Variants in OR2L13 observed in about 807,000 individuals in gnomAD.
The protein encoded by OR2L13 is olfactory receptor family 2 subfamily L member 13.
OR2L13 carries 14 observed loss-of-function variants against 15.3 expected under a neutral mutation model. The ratio of observed to expected loss-of-function variants is 0.91; its 90% CI spans 0.60 to 1.43. The LOEUF (loss-of-function observed/expected upper bound fraction) is 1.43. OR2L13 is among the 40% of genes most tolerant of loss of function. OR2L13 has a pLI of 0.00. For synonymous variants in OR2L13, 152 were observed against 142.9 expected (o/e 1.06, Z -0.45); for missense variants, 367 against 387.9 (o/e 0.95, Z 0.45).
At chr1:248,048,639 C>G in the OR2L13 span, among the ~76,000 whole-genome samples, 1 of 152,168 alleles carries the variant, frequency 6.6e-6, no homozygotes, top group Non-Finnish European at 1.5e-5. Flanking sequence ...TCAATGAGTT[C>G]TCAGCTTTTG....
At chr1:248,044,596 G>A in the OR2L13 span, among the ~76,000 whole-genome samples, 2 of 86,178 alleles carry the variant, frequency 2.3e-5, no homozygotes, top group East Asian at 8.0e-4. Flanking sequence ...GAGGTCAGGA[G>A]ATCGAGACCA....
the OR2L13 span, among the ~76,000 whole-genome samples, chr1:248,006,249 G>A: frequency 1.2e-5 from 1 of 83,710 alleles, no homozygotes; most frequent in South Asian, 2.8e-4. Flanking sequence ...AGATATGTGT[G>A]TGTGTGTGTG....
At chr1:247,955,971 G>T in the OR2L13 span, among the ~76,000 whole-genome samples, 30 of 148,228 alleles carry the variant, frequency 2.0e-4, no homozygotes, top group Admixed American at 5.4e-4. Flanking sequence ...GTCAATTTTG[G>T]CTTTTGTTGC....
the OR2L13 span, among the ~76,000 whole-genome samples, chr1:247,996,350 T>C: frequency 6.6e-6 from 1 of 152,214 alleles, no homozygotes; most frequent in African/African-American, 2.4e-5. Context: ...TTTTCCAAAT[T>C]GGTAAATATG....
At chr1:248,038,367 T>C in the OR2L13 span, 2 of 1,613,470 alleles carry the variant, frequency 1.2e-6, no homozygotes, top group Non-Finnish European at 1.7e-6. Context: ...TTTTCTCATT[T>C]TCCTAATGGC....
chr1:247,965,954 C>G, the OR2L13 span: 1 of 1,608,636 alleles, frequency 6.2e-7, no homozygotes, highest in South Asian at 1.1e-5. Flanking sequence ...CAGGACACCT[C>G]CCAGTATGAG....
chr1:248,014,074 T>A, the OR2L13 span, among the ~76,000 whole-genome samples: 2 of 152,286 alleles, frequency 1.3e-5, no homozygotes, highest in South Asian at 4.1e-4. Context: ...GGGCAGCATT[T>A]CCTCATTTGT....
At chr1:247,979,792 C>T in the OR2L13 span, among the ~76,000 whole-genome samples, 1,697 of 152,074 alleles carry the variant, frequency 0.011, 40 homozygotes, top group African/African-American at 0.038. Context: ...ATCTTGGAAA[C>T]GACTCCTAGA....
the OR2L13 span, among the ~76,000 whole-genome samples, chr1:248,009,651 G>A: frequency 0.3 from 46,148 of 151,882 alleles, 11,103 homozygotes; most frequent in African/African-American, 0.67. Flanking sequence ...GAAAAAGAGG[G>A]ACCCCTCCCT....
the OR2L13 span, among the ~76,000 whole-genome samples, chr1:247,959,286 C>G: frequency 2.4e-4 from 36 of 152,290 alleles, no homozygotes; most frequent in South Asian, 4.2e-3. Flanking sequence ...TCTCTTCTGG[C>G]TTGTAGAGTT....
chr1:248,075,568 C>A, the OR2L13 span, among the ~76,000 whole-genome samples: 1 of 152,162 alleles, frequency 6.6e-6, no homozygotes, highest in East Asian at 1.9e-4. Context: ...GATGGTATCT[C>A]ATTGTGGTTT....
At chr1:248,007,915 A>G in the OR2L13 span, among the ~76,000 whole-genome samples, 3 of 152,308 alleles carry the variant, frequency 2.0e-5, no homozygotes, top group East Asian at 5.8e-4. Flanking sequence ...GTGGTTCAGT[A>G]GTGAAATAAT....
the OR2L13 span, among the ~76,000 whole-genome samples, chr1:247,942,716 T>G: frequency 3.3e-3 from 501 of 152,282 alleles, 2 homozygotes; most frequent in African/African-American, 0.012. Flanking sequence ...ATGATTTTTA[T>G]TAGGGTAAAT....
At chr1:247,945,107 G>T in the OR2L13 span, among the ~76,000 whole-genome samples, 1 of 151,778 alleles carries the variant, frequency 6.6e-6, no homozygotes, top group Non-Finnish European at 1.5e-5. Flanking sequence ...TTAGGGTGTC[G>T]ATTTGAGATC....
At chr1:248,003,500 G>A in the OR2L13 span, 1 of 1,611,766 alleles carries the variant, frequency 6.2e-7, no homozygotes, top group Non-Finnish European at 8.5e-7. Context: ...TCGTTGCATT[G>A]CTATTTGCTT....
chr1:248,094,403 A>G (rs543407099), upstream of OR2L13, among the ~76,000 whole-genome samples: 5 of 152,314 alleles, frequency 3.3e-5, 2 homozygotes, highest in African/African-American at 1.2e-4. Flanking sequence ...GCTACAGTTG[A>G]TTGAGCCCTT....
chr1:247,990,721 T>G, the OR2L13 span: 270 of 1,558,726 alleles, frequency 1.7e-4, no homozygotes, highest in African/African-American at 3.3e-3. Context: ...GATGATAGGC[T>G]CCATCAACTC....
the OR2L13 span, chr1:247,965,613 C>T: frequency 6.4e-7 from 1 of 1,561,168 alleles, no homozygotes. Flanking sequence ...CCACAGTGCC[C>T]AAGATGGCAG....
exon 3 of OR2L13, chr1:248,100,922 A>C (rs1038893898): frequency 6.2e-6 from 1 of 162,330 alleles, no homozygotes; most frequent in African/African-American, 2.4e-5. Flanking sequence ...ATGCTAAGGT[A>C]GTGTTTATGT....
Sources: allele counts gnomAD v4.1 joint callset (sites outside exome capture counted in the v4.1 genomes callset), GRCh38; gene constraint gnomAD v4.1.1; transcripts MANE v1.5; gene names NCBI Gene and HGNC (gene_info 2026-07-23, HGNC 2026-07-21).